GRAMD2B: variants seen among roughly 807,000 people sequenced by gnomAD.
The protein encoded by GRAMD2B is GRAM domain containing 2B, also known as GRAM domain-containing protein 2B.
A neutral mutation model predicts 59.2 loss-of-function variants in GRAMD2B; 41 were observed. That is an observed-to-expected ratio of 0.69 (90% CI 0.54 to 0.90). GRAMD2B has a LOEUF of 0.90. Among genes scored for constraint, GRAMD2B ranks in the 40% least tolerant of loss-of-function variants. The pLI is 0.00. For missense variants in GRAMD2B, 424 were observed against 500.5 expected (o/e 0.85, Z 1.46); for synonymous variants, 161 against 182.7 (o/e 0.88, Z 0.96).
chr5:126,393,703 T>A (rs1757048279), intron 1 of GRAMD2B, among the ~76,000 whole-genome samples: 1 of 152,138 alleles, frequency 6.6e-6, no homozygotes, highest in African/African-American at 2.4e-5. Flanking sequence ...ATCTCCCACT[T>A]CAATTGCCTT....
At chr5:126,383,534 C>A (rs141077094) in intron 1 of GRAMD2B, among the ~76,000 whole-genome samples, 1 of 152,090 alleles carries the variant, frequency 6.6e-6, no homozygotes, top group Non-Finnish European at 1.5e-5. Context: ...CTTTATAAAC[C>A]TTGCTGGCCT....
intron 1 of GRAMD2B, among the ~76,000 whole-genome samples, chr5:126,381,011 C>T (rs1755612016): frequency 6.6e-6 from 1 of 152,130 alleles, no homozygotes; most frequent in African/African-American, 2.4e-5. Context: ...AACTTTTCAC[C>T]ATTCAGTATA....
At chr5:126,479,709 T>C (rs912184482) in intron 6 of GRAMD2B, among the ~76,000 whole-genome samples, 1 of 152,176 alleles carries the variant, frequency 6.6e-6, no homozygotes, top group Non-Finnish European at 1.5e-5. Context: ...TGCTCGGAAA[T>C]AATTCAAGTT....
At chr5:126,430,403 G>A (rs1450426444) in intron 1 of GRAMD2B, among the ~76,000 whole-genome samples, 3 of 152,260 alleles carry the variant, frequency 2.0e-5, no homozygotes, top group Admixed American at 6.5e-5. Context: ...ATTTCCAGGT[G>A]TAATTCCATG....
chr5:126,407,373 A>G (rs1173498107), intron 1 of GRAMD2B, among the ~76,000 whole-genome samples: 2 of 152,032 alleles, frequency 1.3e-5, no homozygotes, highest in African/African-American at 2.4e-5. Flanking sequence ...TAAGCAAACC[A>G]GGACAGTCAC....
chr5:126,480,476 C>T lies in GRAMD2B; in HGVS notation c.603C>T (p.Leu201=), dbSNP rs978082153. ...TTCAGTACATATTTGTCTCCTTACT[C>T]TCCAGAGATTCAACTTACAAACTAC... ...VTDRYIFVSL[L]SRDSTYKLLK... is the part of the protein sequence containing the mutation. The change falls in exon 7 of 14, where the codon CTC becomes CTT. Residue 201 remains leucine (L), a synonymous_variant. Coordinates refer to ENST00000285689, the MANE Select transcript of GRAMD2B (RefSeq NM_023927.4). 1.2e-6 allele frequency: 2 copies of T among 1,612,132 alleles called. No homozygotes were observed. The highest frequency in any genetic ancestry group is 2.7e-5 in the African/African-American group (2 of 74,886).
intron 1 of GRAMD2B, among the ~76,000 whole-genome samples, chr5:126,450,652 T>TAAAAA (rs10544199): frequency 9.4e-5 from 9 of 96,050 alleles, no homozygotes; most frequent in African/African-American, 2.9e-4. Context: ...AGCCTGCTGT[T>TAAAAA]AAAAAAAAAA....
intron 2 of GRAMD2B, among the ~76,000 whole-genome samples, chr5:126,468,028 A>C (rs1347685082): frequency 6.6e-6 from 1 of 152,176 alleles, no homozygotes; most frequent in Non-Finnish European, 1.5e-5. Flanking sequence ...ATTTTTTTTA[A>C]CTGAACCTCA....
intron 1 of GRAMD2B, among the ~76,000 whole-genome samples, chr5:126,441,204 T>C (rs1451376941): frequency 1.3e-5 from 2 of 152,234 alleles, no homozygotes; most frequent in Non-Finnish European, 2.9e-5. Flanking sequence ...GTAGAGGAGA[T>C]AGATACCTTT....
chr5:126,415,487 T>G (rs76402717), intron 1 of GRAMD2B, among the ~76,000 whole-genome samples: 1 of 151,392 alleles, frequency 6.6e-6, no homozygotes, highest in Non-Finnish European at 1.5e-5. Context: ...GCAAAAAAAA[T>G]GTTTTTGGGA....
intron 1 of GRAMD2B, among the ~76,000 whole-genome samples, chr5:126,403,656 T>C (rs1758017741): frequency 6.6e-6 from 1 of 151,902 alleles, no homozygotes; most frequent in Non-Finnish European, 1.5e-5. Context: ...TAAAATTGAG[T>C]GTTTAATACA....
intron 1 of GRAMD2B, among the ~76,000 whole-genome samples, chr5:126,394,148 G>A (rs1174808387): frequency 5.9e-5 from 9 of 151,808 alleles, no homozygotes; most frequent in African/African-American, 2.2e-4. Context: ...GGTGGCGGGT[G>A]CCTGTAGTCC....
intron 5 of GRAMD2B, among the ~76,000 whole-genome samples, chr5:126,475,704 G>A (rs1306955652): frequency 1.3e-5 from 2 of 152,182 alleles, no homozygotes; most frequent in Admixed American, 6.5e-5. Context: ...AGTGGCTCAC[G>A]CCTGTAATCC....
At chr5:126,371,227 T>C, upstream of GRAMD2B, 1 of 784,868 alleles carries the variant, frequency 1.3e-6, no homozygotes, top group African/African-American at 1.9e-5. Context: ...ACAGCAAACA[T>C]AGGTAGGATG....
intron 1 of GRAMD2B, among the ~76,000 whole-genome samples, chr5:126,429,366 C>T (rs1761179971): frequency 6.6e-6 from 1 of 152,064 alleles, no homozygotes; most frequent in African/African-American, 2.4e-5. Context: ...GGGAACAACA[C>T]ACACTGGGAT....
At chr5:126,473,391 ATGCT>A in intron 5 of GRAMD2B, 23 bp downstream of exon 5, 1 of 859,258 alleles carries the variant, frequency 1.2e-6, no homozygotes, top group Non-Finnish European at 1.8e-6. Context: ...AAAAAAAAAA[ATGCT>A]AACCCTATAC....
At chr5:126,409,047 C>A (rs1412690075) in intron 1 of GRAMD2B, among the ~76,000 whole-genome samples, 5 of 151,646 alleles carry the variant, frequency 3.3e-5, no homozygotes, top group African/African-American at 9.7e-5. Flanking sequence ...GCATAGTATT[C>A]CATGGTGTAT....
rs562933889 is a variant in GRAMD2B at position 126,383,609 on chromosome 5, GA to G, written c.125+12052del. On this transcript the variant is annotated intron_variant, in intron 1 of 8. Coordinates refer to the GRAMD2B transcript ENST00000506445. ...CTTAGATGAAGTAAGCAGGTAACAG[GA>G]AAAAAAAAAGTTTTCTGTTGTTGCT... Among the ~76,000 whole-genome samples, 230 of 148,958 alleles carry G rather than the reference GA, an allele frequency of 1.5e-3. 1 individual carries two copies. Among genetic ancestry groups the G allele is most frequent in the South Asian group, 2.1e-3 (10 of 4,694 alleles).
chr5:126,425,606 A>C (rs776711761), intron 1 of GRAMD2B, among the ~76,000 whole-genome samples: 1 of 151,824 alleles, frequency 6.6e-6, no homozygotes, highest in Non-Finnish European at 1.5e-5. Flanking sequence ...GTCTCTACAG[A>C]CAAAAAAAAA....
Sources: gnomAD v4.1 joint callset for allele counts (sites outside exome capture counted in the v4.1 genomes callset) on GRCh38, gnomAD v4.1.1 for gene constraint, MANE v1.5 for transcripts, NCBI Gene and HGNC (gene_info 2026-07-23, HGNC 2026-07-21) for gene names.